The following ALCAM variants were observed in gnomAD, a reference collection of about 807,000 sequenced individuals.
The protein encoded by ALCAM is activated leukocyte cell adhesion molecule.
ALCAM carries 30 observed loss-of-function variants against 70.9 expected under a neutral mutation model. The observed-to-expected ratio is 0.42, with a 90% confidence interval of 0.32 to 0.57. ALCAM has a LOEUF of 0.57. Among genes scored for constraint, ALCAM ranks in the 20% least tolerant of loss-of-function variants. ALCAM has a pLI of 0.11. For synonymous variants in ALCAM, 249 were observed against 242.5 expected (o/e 1.03, Z -0.25); for missense variants, 591 against 695.1 (o/e 0.85, Z 1.68).
At chr3:105,404,860 T>C (rs573853699) in intron 1 of ALCAM, among the ~76,000 whole-genome samples, 54 of 152,232 alleles carry the variant, frequency 3.5e-4, no homozygotes, top group African/African-American at 1.3e-3. Flanking sequence ...TAACACATAA[T>C]GATTCACATA....
chr3:105,424,458 T>A (rs1439935470), intron 1 of ALCAM, among the ~76,000 whole-genome samples: 1 of 151,722 alleles, frequency 6.6e-6, no homozygotes, highest in African/African-American at 2.4e-5. Flanking sequence ...ATTGTGAGCA[T>A]AAGCATATTG....
chr3:105,457,460 T>C (rs1054960735), intron 1 of ALCAM, among the ~76,000 whole-genome samples: 1 of 151,936 alleles, frequency 6.6e-6, no homozygotes, highest in African/African-American at 2.4e-5. Flanking sequence ...CTAGGCTTAA[T>C]CCCTGGGGGA....
intron 14 of ALCAM, among the ~76,000 whole-genome samples, chr3:105,568,810 C>A (rs2152635714): frequency 6.6e-6 from 1 of 152,204 alleles, no homozygotes; most frequent in South Asian, 2.1e-4. Flanking sequence ...CATTCACATA[C>A]TTCATTCTGT....
intron 1 of ALCAM, among the ~76,000 whole-genome samples, chr3:105,428,595 A>AATGTCTCTGGTAAGT (rs1936852232): frequency 6.6e-6 from 1 of 151,898 alleles, no homozygotes; most frequent in Non-Finnish European, 1.5e-5. Flanking sequence ...TACAGTCCTG[A>AATGTCTCTGGTAAGT]CCTCTGGTAA....
At chr3:105,567,397 C>T (rs570053352) in intron 14 of ALCAM, among the ~76,000 whole-genome samples, 62 of 152,062 alleles carry the variant, frequency 4.1e-4, no homozygotes, top group African/African-American at 1.5e-3. Context: ...TTAGCCTGCT[C>T]ACTATCATCT....
intron 1 of ALCAM, among the ~76,000 whole-genome samples, chr3:105,429,937 C>T (rs953750278): frequency 1.4e-4 from 21 of 151,738 alleles, no homozygotes; most frequent in African/African-American, 5.1e-4. Flanking sequence ...TCAAGAGAGC[C>T]TTACTCAGTA....
rs569047939 is a variant in ALCAM, at chr3:105,497,104, G to A, written c.74-22963G>A. Among the ~76,000 whole-genome samples the A allele has an allele frequency of 2.0e-5, 3 of 152,066 alleles. No individual in the cohort carries two copies. The South Asian group carries it at 6.2e-4, about 32-fold the overall frequency. On this transcript the variant is annotated intron_variant, in intron 1 of 15. Coordinates refer to ENST00000306107, the MANE Select transcript of ALCAM (RefSeq NM_001627.4). ...CCTTAAGGAAAAGAATTCATATAAA[G>A]TGTATTCTCACCTAAACCCCCAAAA...
chr3:105,430,493 G>A (rs536297971), intron 1 of ALCAM, among the ~76,000 whole-genome samples: 298 of 151,980 alleles, frequency 2.0e-3, no homozygotes, highest in Non-Finnish European at 3.6e-3. Context: ...TGATAATATT[G>A]GGATAACAGT....
chr3:105,515,709 T>G (rs892300833), intron 1 of ALCAM, among the ~76,000 whole-genome samples: 2 of 152,028 alleles, frequency 1.3e-5, no homozygotes, highest in Non-Finnish European at 2.9e-5. Context: ...ACTTATTTGG[T>G]CCAATAGTGA....
At chr3:105,424,727 A>G (rs1447833119) in intron 1 of ALCAM, among the ~76,000 whole-genome samples, 4 of 151,760 alleles carry the variant, frequency 2.6e-5, no homozygotes, top group African/African-American at 9.7e-5. Context: ...ATTTTGTAGG[A>G]ATCTAGGTGT....
intron 14 of ALCAM, among the ~76,000 whole-genome samples, chr3:105,554,243 C>T (rs1286580015): frequency 6.6e-6 from 1 of 151,780 alleles, no homozygotes. Flanking sequence ...AGCCTGAGAA[C>T]CAGGAAGGTG....
At chr3:105,493,628 T>C (rs1478512920) in intron 1 of ALCAM, among the ~76,000 whole-genome samples, 1 of 152,114 alleles carries the variant, frequency 6.6e-6, no homozygotes. Flanking sequence ...AAGGAACACA[T>C]GCAGCTTCTG....
chr3:105,567,685 A>T (rs1001850919), intron 14 of ALCAM, among the ~76,000 whole-genome samples: 8 of 152,142 alleles, frequency 5.3e-5, no homozygotes, highest in African/African-American at 1.9e-4. Flanking sequence ...CATTGTTACC[A>T]AATTTTCCTT....
chr3:105,547,027 G>C, intron 9 of ALCAM, 122 bp from the exon 10 acceptor site: 2 of 812,352 alleles, frequency 2.5e-6, no homozygotes, highest in South Asian at 3.9e-5. Context: ...CTGAAGTTAA[G>C]AAAAAGAAGT....
At chr3:105,382,999 A>G (rs1395470244) in intron 1 of ALCAM, among the ~76,000 whole-genome samples, 3 of 151,738 alleles carry the variant, frequency 2.0e-5, no homozygotes, top group Non-Finnish European at 2.9e-5. Flanking sequence ...TGTGCTAGCC[A>G]TATTTCTAAA....
chr3:105,433,466 A>G (rs750549764), intron 1 of ALCAM, among the ~76,000 whole-genome samples: 5 of 152,206 alleles, frequency 3.3e-5, no homozygotes, highest in Admixed American at 6.5e-5. Flanking sequence ...CCTTGCTTCT[A>G]TCACCTTAAG....
intron 6 of ALCAM, among the ~76,000 whole-genome samples, chr3:105,536,106 T>G (rs185934317): frequency 1.2e-4 from 18 of 151,804 alleles, no homozygotes; most frequent in African/African-American, 1.7e-4. Flanking sequence ...TTTTTTTTTT[T>G]TGTGTGAGAC....
At position 105,563,667 on chromosome 3, in the gene ALCAM, C is replaced by CTTTTTTTTTTTTT. The variant is rs749625480; in HGVS notation, c.1665-8166_1665-8154dup. Among the ~76,000 whole-genome samples, 124 of 52,044 alleles carry CTTTTTTTTTTTTT rather than the reference C, an allele frequency of 2.4e-3. 14 individuals are homozygous for CTTTTTTTTTTTTT. Among genetic ancestry groups the CTTTTTTTTTTTTT allele is most frequent in the African/African-American group, 3.0e-3 (30 of 9,896 alleles). 34.1% of individuals were successfully genotyped at this position (52,044 alleles called of 152,430 possible). ...GACCTGTATGAAATTCCAAGCATTT[C>CTTTTTTTTTTTTT]TTTTTTTTTTTTTTTTTTTTTTTTT... On this transcript the variant is annotated intron_variant, in intron 14 of 15. Transcript: ENST00000306107.
intron 1 of ALCAM, among the ~76,000 whole-genome samples, chr3:105,401,956 T>C (rs1290816377): frequency 1.3e-5 from 2 of 150,894 alleles, no homozygotes; most frequent in East Asian, 3.9e-4. Flanking sequence ...GTGATTCTAA[T>C]GTGTAGCCAT....
Sources: gnomAD v4.1 joint callset for allele counts (sites outside exome capture counted in the v4.1 genomes callset) on GRCh38, gnomAD v4.1.1 for gene constraint, MANE v1.5 for transcripts, NCBI Gene and HGNC (gene_info 2026-07-23, HGNC 2026-07-21) for gene names.